The following DMD variants were observed in gnomAD, a reference collection of about 807,000 sequenced individuals.
DMD encodes the protein dystrophin.
Under a neutral mutation model 330.1 loss-of-function variants are expected in DMD, and 63 were observed. The ratio of observed to expected loss-of-function variants is 0.19; its 90% CI spans 0.16 to 0.24. DMD has a LOEUF of 0.24. Among genes scored for constraint, DMD ranks in the 10% least tolerant of loss-of-function variants. The probability of loss-of-function intolerance (pLI) is 1.00; values close to 1 mark genes in which losing one functional copy is unlikely to be tolerated. For missense variants in DMD, 3,344 were observed against 2,684.1 expected (o/e 1.25, Z -5.43); for synonymous variants, 1,223 against 959.8 (o/e 1.27, Z -5.07).
At chrX:32,415,026 G>A (rs1441632730) in intron 29 of DMD, among the ~76,000 whole-genome samples, 1 of 111,621 alleles carries the variant, frequency 9.0e-6, no homozygotes, top group Non-Finnish European at 1.9e-5. Flanking sequence ...CAAAGAAATG[G>A]ATCTCTAGTG....
At chrX:31,760,237 T>A (rs922988159) in intron 51 of DMD, among the ~76,000 whole-genome samples, 2 of 112,196 alleles carry the variant, frequency 1.8e-5, no homozygotes, top group Non-Finnish European at 3.8e-5. Context: ...GATAGTATAT[T>A]TCCTAGTCAA....
At chrX:32,287,741 A>G (rs1182611927) in intron 42 of DMD, 40 bp from the exon 43 acceptor site, 2 of 961,500 alleles carry the variant, frequency 2.1e-6, no homozygotes, top group African/African-American at 4.2e-5. Flanking sequence ...AAAATGAATT[A>G]GCTGTCTATA....
chrX:31,150,306 T>C (rs1345420696), intron 74 of DMD, among the ~76,000 whole-genome samples: 1 of 112,243 alleles, frequency 8.9e-6, no homozygotes, highest in Non-Finnish European at 1.9e-5. Flanking sequence ...GCCATAAATT[T>C]TATTCCATTT....
intron 62 of DMD, among the ~76,000 whole-genome samples, chrX:31,313,788 T>G (rs1377271564): frequency 1.9e-5 from 2 of 107,992 alleles, no homozygotes; most frequent in Non-Finnish European, 3.8e-5. Context: ...AGCCTCCAAC[T>G]TTTTTGAATC....
chrX:32,184,862 T>C (rs2096940219), intron 44 of DMD, among the ~76,000 whole-genome samples: 1 of 96,408 alleles, frequency 1.0e-5, no homozygotes, highest in Non-Finnish European at 2.1e-5. Context: ...TTTCAGGCAA[T>C]TCAGTTTTCA....
chrX:31,168,374 G>C (rs977209378), intron 74 of DMD, among the ~76,000 whole-genome samples: 2 of 111,419 alleles, frequency 1.8e-5, no homozygotes, highest in African/African-American at 6.5e-5. Context: ...TGTACAAGTA[G>C]AGTCAGTATG....
At position 32,342,200 on chromosome X, in the gene DMD, G is replaced by A. The variant is rs1172177507; in HGVS notation, c.5822C>T (p.Ala1941Val). 8.3e-7 allele frequency: 1 copy of A among 1,209,088 alleles called. No homozygotes were observed. The highest frequency in any genetic ancestry group is 1.1e-6 in the Non-Finnish European group (1 of 894,725). ...RQAEGLSEDG[A>V]AMAVEPTQIQ... ...CTGAGTTGGCTCCACTGCCATTGCG[G>A]CCCCATCCTCAGACAAGCCCTCAGC... is the stretch of plus-strand genomic sequence containing the variant. Residue 1941 changes from alanine (A) to valine (V), a missense_variant, in exon 41 of 79, where the codon GCC becomes GTC. By Grantham distance (64) the Ala-to-Val change is moderately conservative. Coordinates refer to ENST00000357033, the MANE Select transcript of DMD (RefSeq NM_004006.3).
At chrX:31,288,915 G>T (rs776559191) in intron 62 of DMD, among the ~76,000 whole-genome samples, 4 of 110,912 alleles carry the variant, frequency 3.6e-5, no homozygotes, top group East Asian at 5.6e-4. Flanking sequence ...TTATTTTTAG[G>T]TTTTTTGTAT....
At chrX:32,564,342 G>A (rs1486827530) in intron 16 of DMD, among the ~76,000 whole-genome samples, 4 of 111,420 alleles carry the variant, frequency 3.6e-5, no homozygotes, top group Non-Finnish European at 5.6e-5. Flanking sequence ...TTCTTAACAC[G>A]GCAACTGACC....
At chrX:31,987,940 A>T (rs946214313) in intron 44 of DMD, among the ~76,000 whole-genome samples, 2 of 112,067 alleles carry the variant, frequency 1.8e-5, no homozygotes, top group African/African-American at 6.5e-5. Context: ...AATCAACTTA[A>T]GTGTTTAATA....
chrX:31,241,659 T>TA (rs760932714), intron 63 of DMD, among the ~76,000 whole-genome samples: 1 of 111,323 alleles, frequency 9.0e-6, no homozygotes, highest in Admixed American at 9.6e-5. Context: ...TTCTGGCAAT[T>TA]CTACCTTGTT....
rs1216832424 is a variant in DMD at position 32,485,045 on chromosome X, G to A, written c.2677C>T (p.Gln893Ter). The change falls in exon 21 of 79, where the codon CAA (glutamine) becomes TAA (stop). Residue 893 changes from glutamine (Q) to a stop codon, truncating the protein, a stop_gained. Transcript: ENST00000357033. LOFTEE classifies it high-confidence loss of function. ...LQPQIERLKI[Q>*]SIALKEKGQG... is the part of the protein sequence containing the mutation. The stretch of plus-strand genomic sequence containing the variant: ...CCTTTCTCTTTCAGGGCTATGCTTT[G>A]AATTTTTAATCGTTCAATTTGAGGT... The A allele has an allele frequency of 8.3e-7, 1 of 1,211,342 alleles. No homozygotes were observed.
chrX:31,726,775 C>G (rs1268627497), intron 52 of DMD, among the ~76,000 whole-genome samples: 2 of 111,899 alleles, frequency 1.8e-5, no homozygotes, highest in Non-Finnish European at 3.8e-5. Flanking sequence ...AAGATTCCAG[C>G]TTAGACTCTT....
intron 53 of DMD, among the ~76,000 whole-genome samples, chrX:31,669,719 T>G (rs760035605): frequency 9.0e-6 from 1 of 111,348 alleles, no homozygotes; most frequent in East Asian, 2.8e-4. Context: ...ATTGTAGCTT[T>G]GTAGTAGTTT....
At chrX:32,631,460 A>G (rs1167683172) in intron 11 of DMD, among the ~76,000 whole-genome samples, 1 of 111,861 alleles carries the variant, frequency 8.9e-6, no homozygotes, top group African/African-American at 3.3e-5. Context: ...CCTATATGTA[A>G]GCCAGGGCCT....
At chrX:33,325,290 G>A (rs1157886033) in intron 1 of DMD, among the ~76,000 whole-genome samples, 2 of 111,955 alleles carry the variant, frequency 1.8e-5, no homozygotes, top group African/African-American at 3.2e-5. Context: ...ACAGAATTGT[G>A]CTTTTTAATA....
intron 62 of DMD, chrX:31,266,971 G>C: frequency 9.8e-7 from 1 of 1,017,735 alleles, no homozygotes; most frequent in Non-Finnish European, 1.3e-6. Context: ...GCCGGCGCGG[G>C]CGGGCCGGGG....
Position 31,380,958 on chromosome X carries a change from T to A in DMD, c.9085-32324A>T, listed in dbSNP as rs747299744. On this transcript the variant is annotated intron_variant, in intron 60 of 78. Transcript: ENST00000357033. ...GGCATAATTCTCATAAAAACACACG[T>A]GCTCTCCCTGCTGATCATGTCTGAC... Among the ~76,000 whole-genome samples, 4 of 111,218 alleles carry A rather than the reference T, an allele frequency of 3.6e-5. No homozygotes were observed. In the South Asian group the frequency reaches 1.5e-3, roughly 43 times the overall value.
intron 57 of DMD, among the ~76,000 whole-genome samples, chrX:31,483,237 G>A (rs188385818): frequency 2.8e-3 from 305 of 108,045 alleles, no homozygotes; most frequent in Non-Finnish European, 5.1e-3. Flanking sequence ...TAGTAGAGAC[G>A]GGGTTTCACC....
Sources: allele counts gnomAD v4.1 joint callset (sites outside exome capture counted in the v4.1 genomes callset), GRCh38; gene constraint gnomAD v4.1.1; transcripts MANE v1.5; gene names NCBI Gene and HGNC (gene_info 2026-07-23, HGNC 2026-07-21).